The following GNAL variants were observed in gnomAD, a reference collection of about 807,000 sequenced individuals.
The protein encoded by GNAL is G protein subunit alpha L.
A neutral mutation model predicts 55.1 loss-of-function variants in GNAL; 18 were observed. That is an observed-to-expected ratio of 0.33 (90% CI 0.23 to 0.48). The LOEUF (loss-of-function observed/expected upper bound fraction) is 0.48, where lower values mean the gene tolerates loss of function less well. Among genes scored for constraint, GNAL ranks in the 20% least tolerant of loss-of-function variants. The pLI, the probability that GNAL is intolerant of heterozygous loss-of-function variation, is 0.99. For missense variants in GNAL, 412 were observed against 614.1 expected, an observed-to-expected ratio of 0.67 and a Z score of 3.48; for synonymous variants, 253 against 237.0, an observed-to-expected ratio of 1.07 and a Z score of -0.62.
intron 4 of GNAL, among the ~76,000 whole-genome samples, chr18:11,766,793 G>C (rs1218078996): frequency 6.6e-6 from 1 of 152,192 alleles, no homozygotes; most frequent in African/African-American, 2.4e-5. Context: ...TGAAATACTG[G>C]TGTTTTAAAG....
intron 4 of GNAL, among the ~76,000 whole-genome samples, chr18:11,806,611 C>T (rs1439710858): frequency 1.3e-5 from 2 of 152,108 alleles, no homozygotes; most frequent in Non-Finnish European, 2.9e-5. Flanking sequence ...CCCAGCATTG[C>T]GGCCCATTAA....
At chr18:11,876,485 G>A in intron 10 of GNAL, 136 bp from the exon 11 acceptor site, 1 of 654,944 alleles carries the variant, frequency 1.5e-6, no homozygotes. Context: ...GTACATGTTT[G>A]TTTTTGCCTT....
chr18:11,708,792 C>T (rs1175069483), intron 1 of GNAL, among the ~76,000 whole-genome samples: 1 of 152,164 alleles, frequency 6.6e-6, no homozygotes, highest in Non-Finnish European at 1.5e-5. Context: ...TGTGCAGAAG[C>T]CCCTCAGTTT....
At chr18:11,698,351 C>T (rs1013093173) in intron 1 of GNAL, among the ~76,000 whole-genome samples, 2 of 151,740 alleles carry the variant, frequency 1.3e-5, no homozygotes, top group South Asian at 2.1e-4. Context: ...ATTAACTGGG[C>T]GTGGTGGTGC....
intron 4 of GNAL, among the ~76,000 whole-genome samples, chr18:11,802,757 G>C (rs972606384): frequency 1.3e-5 from 2 of 152,230 alleles, no homozygotes; most frequent in African/African-American, 2.4e-5. Context: ...GCGTGGGTGG[G>C]AAAGAAGAAT....
chr18:11,822,845 A>C (rs1213527464), intron 4 of GNAL, among the ~76,000 whole-genome samples: 1 of 143,380 alleles, frequency 7.0e-6, no homozygotes, highest in Non-Finnish European at 1.5e-5. Context: ...TTTTTGACCA[A>C]ATTTAGATTA....
At chr18:11,827,542 G>A (rs556479864) in intron 5 of GNAL, among the ~76,000 whole-genome samples, 55 of 152,258 alleles carry the variant, frequency 3.6e-4, no homozygotes, top group African/African-American at 1.3e-3. Flanking sequence ...GAACTTGGGA[G>A]GCGGAGGTGG....
intron 4 of GNAL, among the ~76,000 whole-genome samples, chr18:11,756,871 T>C (rs1382367914): frequency 6.6e-6 from 1 of 152,176 alleles, no homozygotes. Context: ...AACAAAACAC[T>C]GTTTTACTCA....
At chr18:11,833,206 A>G (rs1249852346) in intron 5 of GNAL, among the ~76,000 whole-genome samples, 6 of 151,722 alleles carry the variant, frequency 4.0e-5, no homozygotes, top group Non-Finnish European at 7.4e-5. Context: ...TAATTTTTGT[A>G]TTTTTAGTAG....
chr18:11,797,722 G>T (rs2034426951), intron 4 of GNAL, among the ~76,000 whole-genome samples: 1 of 150,330 alleles, frequency 6.7e-6, no homozygotes, highest in Non-Finnish European at 1.5e-5. Context: ...TCATGCCATT[G>T]CACTCCCCTT....
rs777626398 is a variant in GNAL at position 11,801,752 on chromosome 18, G to A, written c.625-23166G>A. Among the ~76,000 whole-genome samples, 45 of 152,290 alleles carry A rather than the reference G, an allele frequency of 3.0e-4. 1 individual carries two copies. The Middle Eastern group carries it at 0.01, about 35-fold the overall frequency. On this transcript the variant is annotated intron_variant, in intron 4 of 11. Coordinates refer to ENST00000334049, the MANE Select transcript of GNAL (RefSeq NM_182978.4). ...GATGTGATGGATGTGGCTCGTGATA[G>A]CAAGAGAAGCATCAGGGATGATGTC...
intron 1 of GNAL, among the ~76,000 whole-genome samples, chr18:11,701,167 A>G (rs1195196445): frequency 6.6e-6 from 1 of 152,192 alleles, no homozygotes; most frequent in Non-Finnish European, 1.5e-5. Context: ...GGTCAAGAAC[A>G]TGATTCCAGG....
chr18:11,725,447 C>A (rs1007968255), intron 1 of GNAL, among the ~76,000 whole-genome samples: 4 of 152,180 alleles, frequency 2.6e-5, no homozygotes, highest in African/African-American at 9.7e-5. Context: ...AAATAAATTT[C>A]TGTTGTTTAA....
intron 4 of GNAL, among the ~76,000 whole-genome samples, chr18:11,766,896 C>T (rs552617097): frequency 4.6e-5 from 7 of 152,288 alleles, no homozygotes; most frequent in African/African-American, 1.4e-4. Context: ...GTAGGTTCAG[C>T]GTGGCTAATA....
chr18:11,781,919 A>G (rs2033932231), intron 4 of GNAL, among the ~76,000 whole-genome samples: 1 of 152,244 alleles, frequency 6.6e-6, no homozygotes, highest in Non-Finnish European at 1.5e-5. Flanking sequence ...AAGAATATTC[A>G]TAGTGGCACT....
At position 11,884,171 on chromosome 18, in the gene GNAL, AGCATTTACATACT is replaced by A. The variant is rs1228153371; in HGVS notation, c.*3038_*3050del. The A allele has an allele frequency of 3.0e-6, 1 of 332,374 alleles. No homozygotes were observed. The highest frequency in any genetic ancestry group is 2.1e-5 in the African/African-American group (1 of 48,046). 20.6% of individuals were successfully genotyped at this position (332,374 alleles called of 1,614,324 possible). Reference sequence around the variant, plus strand: ...CGTGCATGTGAGTGACGACATTAATAGCATTTACATACTGTACAGATGCAACCTTTGATGATAC... The same window carrying A: ...CGTGCATGTGAGTGACGACATTAATAGTACAGATGCAACCTTTGATGATAC... On this transcript the variant is annotated 3_prime_UTR_variant, in exon 12 of 12. Transcript: ENST00000334049.
rs970599514 is a variant in GNAL at position 11,884,071 on chromosome 18, T to C, written c.*2936T>C. ...TCACAGGAAGAGGGAAACAGCCCAA[T>C]ATTTATTTATGTATACACATAATCC... On this transcript the variant is annotated 3_prime_UTR_variant, in exon 12 of 12. Coordinates refer to ENST00000334049, the MANE Select transcript of GNAL (RefSeq NM_182978.4). The C allele has an allele frequency of 6.5e-6, 1 of 154,312 alleles. No individual in the cohort carries two copies. Among genetic ancestry groups the C allele is most frequent in the Non-Finnish European group, 1.3e-5 (1 of 76,456 alleles). 9.6% of individuals were successfully genotyped at this position (154,312 alleles called of 1,614,324 possible).
At chr18:11,690,026 G>T (rs1479969629) in intron 1 of GNAL, 87 bp downstream of exon 1, 21 of 752,042 alleles carry the variant, frequency 2.8e-5, no homozygotes, top group Middle Eastern at 4.6e-4. Flanking sequence ...GCGGTGGCGG[G>T]CACCGGGGAG....
Position 11,751,745 on chromosome 18 carries a change from C to G in GNAL, c.377-1108C>G, listed in dbSNP as rs2032839350. 4.0e-6 allele frequency: 3 copies of G among 741,422 alleles called. No homozygotes were observed. The highest frequency in any genetic ancestry group is 6.9e-4 in the Middle Eastern group (1 of 1,452). The allele number at this position is 741,422 out of a possible 1,614,324, so 45.9% of individuals were successfully genotyped here. The stretch of plus-strand genomic sequence containing the variant: ...CCGGCCGGGCTCCGTGGGGGGTCAG[C>G]TCCCTGACCCCTACAGCGCGGTAGC... On this transcript the variant is annotated intron_variant, in intron 1 of 11. Transcript: ENST00000334049. The surrounding 1 kb of genome is among the most constrained non-coding windows in gnomAD (Gnocchi z 4.5).
Sources: gnomAD v4.1 joint callset for allele counts (sites outside exome capture counted in the v4.1 genomes callset) on GRCh38, gnomAD v4.1.1 for gene constraint, Gnocchi (gnomAD v3.1) non-coding constraint, MANE v1.5 for transcripts, NCBI Gene and HGNC (gene_info 2026-07-23, HGNC 2026-07-21) for gene names.